KPNA7: variants seen among roughly 807,000 people sequenced by gnomAD.
KPNA7 encodes karyopherin subunit alpha 7, also known as importin subunit alpha-8.
KPNA7 carries 54 observed loss-of-function variants against 53.7 expected under a neutral mutation model. The ratio of observed to expected loss-of-function variants is 1.01; its 90% CI spans 0.81 to 1.26. The LOEUF is 1.26. Ranked by LOEUF, KPNA7 falls within the 50% of genes most tolerant of loss-of-function variation. The probability of loss-of-function intolerance (pLI) is 0.00; values close to 1 mark genes in which losing one functional copy is unlikely to be tolerated. For synonymous variants in KPNA7, 276 were observed against 259.3 expected, an observed-to-expected ratio of 1.06 and a Z score of -0.62; for missense variants, 640 against 644.5, an observed-to-expected ratio of 0.99 and a Z score of 0.07.
the KPNA7 span, among the ~76,000 whole-genome samples, chr7:99,167,979 A>AC: frequency 4.7e-5 from 1 of 21,390 alleles, no homozygotes; most frequent in East Asian, 3.4e-3. Flanking sequence ...TCCCCAAACC[A>AC]TTCCCCCACC....
intron 1 of KPNA7, among the ~76,000 whole-genome samples, chr7:99,213,125 AAGGGATTTT>A (rs1791119096): frequency 6.8e-6 from 1 of 147,734 alleles, no homozygotes; most frequent in African/African-American, 2.5e-5. Context: ...CAATGGCCAA[AAGGGATTTT>A]TTTTTTTTTT....
At chr7:99,198,923 G>A (rs775009723) in intron 3 of KPNA7, among the ~76,000 whole-genome samples, 2 of 151,892 alleles carry the variant, frequency 1.3e-5, no homozygotes, top group African/African-American at 2.4e-5. Flanking sequence ...TTGCAGAATT[G>A]ATATACAAAA....
At chr7:99,198,317 A>C (rs1392351005) in intron 3 of KPNA7, among the ~76,000 whole-genome samples, 1 of 152,308 alleles carries the variant, frequency 6.6e-6, no homozygotes, top group East Asian at 1.9e-4. Flanking sequence ...CAAACCAAGG[A>C]TATTACAAGA....
intron 8 of KPNA7, among the ~76,000 whole-genome samples, chr7:99,182,316 G>C (rs1288594751): frequency 2.6e-5 from 4 of 152,104 alleles, no homozygotes; most frequent in Non-Finnish European, 5.9e-5. Context: ...TCCTGCCTCA[G>C]CCTCCTGAGT....
At chr7:99,169,995 T>C (rs1484819559), downstream of KPNA7, among the ~76,000 whole-genome samples, 1 of 151,990 alleles carries the variant, frequency 6.6e-6, no homozygotes. Context: ...TGAGCAGAGA[T>C]TGTGCCACTG....
rs1374071591 is a variant in KPNA7 at position 99,204,849 on chromosome 7, G to A, written c.67-1609C>T. Among the ~76,000 whole-genome samples the A allele has an allele frequency of 4.6e-5, 7 of 151,904 alleles. No individual in the cohort carries two copies. The East Asian group carries it at 1.4e-3, about 30-fold the overall frequency. ...CCAGCCTGGATGACAGAGCAAGACC[G>A]TGTATCAAATAATAATAAAAGGAAA... On this transcript the variant is annotated intron_variant, in intron 2 of 10. Coordinates refer to ENST00000327442, the MANE Select transcript of KPNA7 (RefSeq NM_001145715.3).
chr7:99,186,245 C>T (rs940345189), intron 7 of KPNA7, among the ~76,000 whole-genome samples: 1 of 152,172 alleles, frequency 6.6e-6, no homozygotes, highest in Admixed American at 6.5e-5. Context: ...GACAGGTCTA[C>T]GATTGGGCTC....
At chr7:99,174,462 G>A (rs1456596363) in intron 10 of KPNA7, among the ~76,000 whole-genome samples, 1 of 152,154 alleles carries the variant, frequency 6.6e-6, no homozygotes, top group Non-Finnish European at 1.5e-5. Flanking sequence ...CCCCCAGCCT[G>A]TGGAAAATTT....
the KPNA7 span, among the ~76,000 whole-genome samples, chr7:99,150,517 C>T: frequency 6.7e-6 from 1 of 149,876 alleles, no homozygotes; most frequent in African/African-American, 2.5e-5. Context: ...TGGGTTCAAG[C>T]GATTCTCCTG....
chr7:99,197,267 A>T (rs1790274920), intron 3 of KPNA7, among the ~76,000 whole-genome samples: 1 of 152,236 alleles, frequency 6.6e-6, no homozygotes, highest in Non-Finnish European at 1.5e-5. Flanking sequence ...CAAACCAAGC[A>T]GACACTGCAG....
chr7:99,217,851 G>C (rs1205628171), intron 1 of KPNA7, among the ~76,000 whole-genome samples: 1 of 152,032 alleles, frequency 6.6e-6, no homozygotes, highest in East Asian at 1.9e-4. Flanking sequence ...GACTGGTCTG[G>C]AACTCCTGGC....
chr7:99,188,596 G>A, intron 6 of KPNA7, 33 bp from the exon 7 acceptor site: 4 of 1,541,214 alleles, frequency 2.6e-6, no homozygotes, highest in Non-Finnish European at 3.5e-6. Context: ...AGCATTGGGT[G>A]CAAAGGAGAG....
intron 1 of KPNA7, among the ~76,000 whole-genome samples, chr7:99,216,800 G>C (rs1791232195): frequency 6.6e-6 from 1 of 152,080 alleles, no homozygotes; most frequent in Admixed American, 6.6e-5. Context: ...GACCTCAGGT[G>C]ATCCGCCCGC....
At chr7:99,192,960 T>C (rs1790030273) in intron 6 of KPNA7, 59 bp downstream of exon 6, 3 of 1,227,606 alleles carry the variant, frequency 2.4e-6, no homozygotes, top group African/African-American at 1.6e-5. Context: ...CCATCTCTAT[T>C]AAGATTATTT....
Position 99,213,464 on chromosome 7 carries a change from G to C in KPNA7, c.-23-5975C>G, listed in dbSNP as rs544106394. 1.9e-4 allele frequency among the ~76,000 whole-genome samples: 27 copies of C among 138,638 alleles called. No individual in the cohort carries two copies. The South Asian group carries it at 6.1e-3, about 31-fold the overall frequency. 91.0% of individuals were successfully genotyped at this position (138,638 alleles called of 152,430 possible). ...AAAAAAAAAAAAAAAAAAAGAGAGAGAGACAGAGTCTCATTGTTGCCCAGG... is the reference window on the plus strand; with the variant it reads ...AAAAAAAAAAAAAAAAAAAGAGAGACAGACAGAGTCTCATTGTTGCCCAGG... On this transcript the variant is annotated intron_variant, in intron 1 of 10. Transcript: ENST00000681060.
chr7:99,165,612 AC>A, the KPNA7 span, among the ~76,000 whole-genome samples: 2 of 152,088 alleles, frequency 1.3e-5, no homozygotes, highest in Non-Finnish European at 2.9e-5. Context: ...TTAGACTAAC[AC>A]CCAAACACCG....
In KPNA7 at chr7:99,193,096, C is replaced by T; in HGVS notation, c.559G>A (p.Gly187Ser). 2.0e-6 allele frequency: 3 copies of T among 1,487,904 alleles called. No individual in the cohort carries two copies. The highest frequency in any genetic ancestry group is 2.7e-6 in the Non-Finnish European group (3 of 1,120,526). 92.2% of individuals were successfully genotyped at this position (1,487,904 alleles called of 1,614,324 possible). ...VWALGNIAGD[G>S]PEFRDNVITS... is the part of the protein sequence containing the mutation. ...ATGACGTTATCTCTGAACTCTGGGC[C>T]ATCACCTACAAATAGAGCAGAATGT... is the stretch of plus-strand genomic sequence containing the variant. The change falls in exon 6 of 11, where the codon GGC (glycine) becomes AGC (serine). Residue 187 changes from glycine to serine, a missense_variant. By Grantham distance (56) the Gly-to-Ser change is moderately conservative. Transcript: ENST00000327442.
chr7:99,211,504 G>A (rs1791071501), upstream of KPNA7, among the ~76,000 whole-genome samples: 1 of 152,212 alleles, frequency 6.6e-6, no homozygotes, highest in Non-Finnish European at 1.5e-5. Context: ...ATCGAGTCTT[G>A]AGGATGCTCA....
chr7:99,171,164 G>A (rs1798763108), downstream of KPNA7, among the ~76,000 whole-genome samples: 1 of 152,198 alleles, frequency 6.6e-6, no homozygotes, highest in Non-Finnish European at 1.5e-5. Context: ...AGGTTGCAGT[G>A]AGCCAAGATC....
Sources: allele counts gnomAD v4.1 joint callset (sites outside exome capture counted in the v4.1 genomes callset), GRCh38; gene constraint gnomAD v4.1.1; transcripts MANE v1.5; gene names NCBI Gene and HGNC (gene_info 2026-07-23, HGNC 2026-07-21).